ZBTB20: variants seen among roughly 807,000 people sequenced by gnomAD.
ZBTB20 encodes zinc finger and BTB domain-containing protein 20.
In ZBTB20, 9 loss-of-function variants were observed where a neutral mutation model predicts 56.9. That is an observed-to-expected ratio of 0.16 (90% CI 0.10 to 0.28). The LOEUF is 0.28. Ranked by LOEUF, ZBTB20 falls within the 10% of genes least tolerant of loss-of-function variation. The probability of loss-of-function intolerance (pLI) is 1.00; values close to 1 mark genes in which losing one functional copy is unlikely to be tolerated. For missense variants in ZBTB20, 655 were observed against 1,003.0 expected, an observed-to-expected ratio of 0.65 and a Z score of 4.69; for synonymous variants, 417 against 420.7, an observed-to-expected ratio of 0.99 and a Z score of 0.11.
chr3:114,536,404 T>C (rs193131260), intron 6 of ZBTB20, among the ~76,000 whole-genome samples: 1 of 152,066 alleles, frequency 6.6e-6, no homozygotes, highest in African/African-American at 2.4e-5. Flanking sequence ...ATAAAGAGAA[T>C]AAAATACCTA....
intron 7 of ZBTB20, among the ~76,000 whole-genome samples, chr3:114,458,579 T>C (rs1357373627): frequency 6.6e-6 from 1 of 152,184 alleles, no homozygotes; most frequent in Non-Finnish European, 1.5e-5. Flanking sequence ...TTTCTTACAC[T>C]ATGTAGTTTC....
chr3:114,398,680 T>TA (rs1487050515), intron 7 of ZBTB20, among the ~76,000 whole-genome samples: 1 of 152,192 alleles, frequency 6.6e-6, no homozygotes, highest in African/African-American at 2.4e-5. Context: ...ATACCAATGG[T>TA]AAAATTACCA....
At chr3:114,664,964 A>T (rs547540441) in intron 6 of ZBTB20, among the ~76,000 whole-genome samples, 1 of 152,232 alleles carries the variant, frequency 6.6e-6, no homozygotes, top group South Asian at 2.1e-4. Context: ...TGGAACAAGG[A>T]ATGTAAAATA....
At chr3:115,057,950 C>A (rs1344445124) in intron 2 of ZBTB20, among the ~76,000 whole-genome samples, 1 of 152,158 alleles carries the variant, frequency 6.6e-6, no homozygotes, top group Non-Finnish European at 1.5e-5. Flanking sequence ...AGGAAACTTA[C>A]AATCATGATG....
intron 7 of ZBTB20, among the ~76,000 whole-genome samples, chr3:114,492,680 T>G (rs1257257831): frequency 6.6e-6 from 1 of 152,222 alleles, no homozygotes; most frequent in Non-Finnish European, 1.5e-5. Flanking sequence ...TTAAGCTACC[T>G]TGATATATAT....
intron 2 of ZBTB20, among the ~76,000 whole-genome samples, chr3:115,038,397 G>T (rs1387154932): frequency 6.6e-6 from 1 of 152,082 alleles, no homozygotes. Context: ...GGTGAAAACT[G>T]ACTTGGCCAT....
chr3:114,470,393 GTTTTATAGTAGTTAGTT>G (rs1432171404), intron 7 of ZBTB20, among the ~76,000 whole-genome samples: 1 of 152,050 alleles, frequency 6.6e-6, no homozygotes, highest in Non-Finnish European at 1.5e-5. Context: ...TTATTTCCAT[GTTTTATAGTAGTTAGTT>G]TTTTATTTGC....
intron 6 of ZBTB20, among the ~76,000 whole-genome samples, chr3:114,618,075 TTC>T (rs1005050254): frequency 8.8e-6 from 1 of 113,194 alleles, no homozygotes; most frequent in African/African-American, 2.7e-5. Context: ...GAACAAAGAT[TTC>T]TGTTTTTTTT....
chr3:114,560,214 C>T (rs1305101978), intron 6 of ZBTB20, among the ~76,000 whole-genome samples: 2 of 152,058 alleles, frequency 1.3e-5, no homozygotes, highest in Admixed American at 6.6e-5. Flanking sequence ...TGTATTGCTA[C>T]AGTAAGTAAG....
Position 114,867,779 on chromosome 3 carries a change from T to C in ZBTB20, c.-417+32525A>G, listed in dbSNP as rs745781564. Among the ~76,000 whole-genome samples, 45 of 152,138 alleles carry C rather than the reference T, an allele frequency of 3.0e-4. 1 individual carries two copies. The highest frequency in any genetic ancestry group is 4.7e-4 in the Non-Finnish European group (32 of 68,018). ...ATACTTTGTTTCCAGCTATAAACCA[T>C]AGGGGCATAAAAAGACTTCTCTATG... On this transcript the variant is annotated intron_variant, in intron 4 of 11. Coordinates refer to ENST00000675478, the MANE Select transcript of ZBTB20 (RefSeq NM_001348800.3).
At chr3:114,635,300 G>T (rs1405753599) in intron 6 of ZBTB20, among the ~76,000 whole-genome samples, 1 of 152,084 alleles carries the variant, frequency 6.6e-6, no homozygotes, top group Non-Finnish European at 1.5e-5. Context: ...TCTCTATCTT[G>T]TCTCATATTA....
At chr3:114,492,999 G>A (rs972317091) in intron 7 of ZBTB20, among the ~76,000 whole-genome samples, 5 of 152,100 alleles carry the variant, frequency 3.3e-5, no homozygotes, top group Admixed American at 1.3e-4. Context: ...GATCCCTTGC[G>A]TTATCCTTTA....
intron 6 of ZBTB20, among the ~76,000 whole-genome samples, chr3:114,617,748 C>A (rs2058036507): frequency 6.6e-6 from 1 of 152,152 alleles, no homozygotes; most frequent in African/African-American, 2.4e-5. Flanking sequence ...CTCAAACTTT[C>A]CAGATACATT....
chr3:115,108,226 C>T (rs1265205092), intron 1 of ZBTB20, among the ~76,000 whole-genome samples: 1 of 152,056 alleles, frequency 6.6e-6, no homozygotes, highest in East Asian at 1.9e-4. Context: ...CTTGCCTTCA[C>T]ATTTCATTTA....
Position 114,350,977 on chromosome 3 carries a change from C to G in ZBTB20, c.1101G>C (p.Glu367Asp). The part of the protein sequence containing the change: ...TEDTDQAEGT[E>D]SEPKGESFDS... ...CGAAGCTTTCACCTTTGGGCTCACT[C>G]TCGGTGCCCTCGGCCTGGTCTGTGT... The change falls in exon 11 of 12, where the codon GAG (glutamate) becomes GAC (aspartate). Residue 367 changes from glutamate to aspartate, a missense_variant. By Grantham distance (45) the Glu-to-Asp change is conservative. Transcript: ENST00000675478. 6.2e-7 allele frequency: 1 copy of G among 1,608,448 alleles called. No homozygotes were observed. Among genetic ancestry groups the G allele is most frequent in the Non-Finnish European group, 8.5e-7 (1 of 1,179,926 alleles).
chr3:114,543,666 A>C (rs1386315178), intron 6 of ZBTB20, among the ~76,000 whole-genome samples: 2 of 152,200 alleles, frequency 1.3e-5, no homozygotes, highest in Non-Finnish European at 2.9e-5. Context: ...CCATACTCAA[A>C]GATTTATATT....
At chr3:114,666,686 G>C (rs970814745) in intron 6 of ZBTB20, among the ~76,000 whole-genome samples, 2 of 152,000 alleles carry the variant, frequency 1.3e-5, no homozygotes, top group African/African-American at 4.8e-5. Flanking sequence ...AAGAGAGGAA[G>C]CATTTTTCTT....
chr3:114,713,056 G>C (rs1005667278), intron 5 of ZBTB20, among the ~76,000 whole-genome samples: 5 of 152,170 alleles, frequency 3.3e-5, no homozygotes, highest in African/African-American at 1.2e-4. Flanking sequence ...TAGGTTATAA[G>C]ATGATTAAGA....
intron 6 of ZBTB20, among the ~76,000 whole-genome samples, chr3:114,563,356 A>G (rs1487658658): frequency 2.0e-5 from 3 of 152,206 alleles, no homozygotes; most frequent in African/African-American, 7.2e-5. Flanking sequence ...AATAAGGTAC[A>G]TTATTAGCCT....
Sources: gnomAD v4.1 joint callset for allele counts (sites outside exome capture counted in the v4.1 genomes callset) on GRCh38, gnomAD v4.1.1 for gene constraint, MANE v1.5 for transcripts, NCBI Gene and HGNC (gene_info 2026-07-23, HGNC 2026-07-21) for gene names.